Variants in COMMD10 observed in about 807,000 individuals in gnomAD.
The protein encoded by COMMD10 is COMM domain-containing protein 10.
A neutral mutation model predicts 28.9 loss-of-function variants in COMMD10; 33 were observed. The observed-to-expected ratio is 1.14, with a 90% CI of 0.87 to 1.53. The LOEUF (loss-of-function observed/expected upper bound fraction) is 1.53, where lower values mean the gene tolerates loss of function less well. Ranked by LOEUF, COMMD10 falls within the 40% of genes most tolerant of loss-of-function variation. The probability of loss-of-function intolerance (pLI) is 0.00; values close to 1 mark genes in which losing one functional copy is unlikely to be tolerated. For missense variants in COMMD10, 310 were observed against 233.4 expected (o/e 1.33, Z -2.14); for synonymous variants, 110 against 81.7 (o/e 1.35, Z -1.87).
chr5:116,223,325 A>G lies in COMMD10; in HGVS notation c.511-68192A>G, dbSNP rs148355228. 6.0e-3 allele frequency among the ~76,000 whole-genome samples: 904 copies of G among 150,562 alleles called. 7 individuals are homozygous for G. The highest frequency in any genetic ancestry group is 0.014 in the Middle Eastern group (4 of 294). On this transcript the variant is annotated intron_variant, in intron 5 of 6. Coordinates refer to ENST00000274458, the MANE Select transcript of COMMD10 (RefSeq NM_016144.4). ...GATAAGTTAAATGTATACACCAGAG[A>G]AAAAAAGTTCTTATTACAATGTAAT... is the stretch of plus-strand genomic sequence containing the variant.
At chr5:116,258,065 C>G (rs902989130) in intron 5 of COMMD10, among the ~76,000 whole-genome samples, 6 of 151,644 alleles carry the variant, frequency 4.0e-5, no homozygotes, top group Non-Finnish European at 7.4e-5. Flanking sequence ...CAATACAGAT[C>G]TACAAATATG....
At chr5:116,198,264 C>T (rs894703097) in intron 5 of COMMD10, among the ~76,000 whole-genome samples, 1 of 151,988 alleles carries the variant, frequency 6.6e-6, no homozygotes, top group African/African-American at 2.4e-5. Context: ...CTTGACTTTG[C>T]CTAATACTAT....
intron 5 of COMMD10, among the ~76,000 whole-genome samples, chr5:116,156,142 G>C (rs1752699737): frequency 6.6e-6 from 1 of 152,074 alleles, no homozygotes; most frequent in Non-Finnish European, 1.5e-5. Context: ...AAAGGGTTAA[G>C]CTGTCCTACT....
chr5:116,090,865 A>G (rs916098559), intron 2 of COMMD10, among the ~76,000 whole-genome samples: 1 of 152,240 alleles, frequency 6.6e-6, no homozygotes, highest in Non-Finnish European at 1.5e-5. Context: ...CTGCGTCACC[A>G]CAAGATATTT....
chr5:116,137,505 G>T (rs1454801522), intron 5 of COMMD10, among the ~76,000 whole-genome samples: 1 of 151,936 alleles, frequency 6.6e-6, no homozygotes, highest in African/African-American at 2.4e-5. Flanking sequence ...GTATTTTATA[G>T]GGTAGTTATC....
At chr5:116,232,498 A>T (rs920263987) in intron 5 of COMMD10, among the ~76,000 whole-genome samples, 1 of 152,020 alleles carries the variant, frequency 6.6e-6, no homozygotes, top group Admixed American at 6.6e-5. Context: ...AATAACAAAG[A>T]TCAACCAGCT....
intron 5 of COMMD10, among the ~76,000 whole-genome samples, chr5:116,203,026 C>T (rs573424600): frequency 4.0e-5 from 6 of 151,746 alleles, no homozygotes; most frequent in South Asian, 2.1e-4. Context: ...TTAGGTCTAA[C>T]ATTTAAGTCT....
intron 5 of COMMD10, among the ~76,000 whole-genome samples, chr5:116,249,540 G>A (rs750430130): frequency 1.3e-5 from 2 of 151,844 alleles, no homozygotes; most frequent in Non-Finnish European, 2.9e-5. Context: ...ATTGACTAGA[G>A]AATTCAAAAA....
intron 5 of COMMD10, among the ~76,000 whole-genome samples, chr5:116,154,278 C>T (rs1051081444): frequency 2.6e-5 from 4 of 152,110 alleles, no homozygotes; most frequent in African/African-American, 7.2e-5. Flanking sequence ...CTAGTTCTCT[C>T]TCCTATTGTT....
At chr5:116,155,338 A>G (rs1752672478) in intron 5 of COMMD10, among the ~76,000 whole-genome samples, 4 of 152,076 alleles carry the variant, frequency 2.6e-5, no homozygotes, top group Admixed American at 2.0e-4. Flanking sequence ...CTTATGTTTT[A>G]TTTATATATG....
intron 5 of COMMD10, among the ~76,000 whole-genome samples, chr5:116,288,872 CTTTTTTTTTTTTT>C (rs1157658912): frequency 9.6e-6 from 1 of 104,358 alleles, no homozygotes; most frequent in Admixed American, 1.2e-4. Flanking sequence ...TGTTCTCTCT[CTTTTTTTTTTTTT>C]TTTTTTTTTT....
intron 5 of COMMD10, among the ~76,000 whole-genome samples, chr5:116,258,900 T>C (rs1750362317): frequency 6.6e-6 from 1 of 151,656 alleles, no homozygotes; most frequent in African/African-American, 2.4e-5. Flanking sequence ...GATTGCTTTT[T>C]CTACTCAGTT....
At chr5:116,187,088 G>T (rs2112605369) in intron 5 of COMMD10, among the ~76,000 whole-genome samples, 1 of 152,172 alleles carries the variant, frequency 6.6e-6, no homozygotes, top group East Asian at 1.9e-4. Context: ...ATAAACAAAT[G>T]AATCAAGTTT....
intron 5 of COMMD10, among the ~76,000 whole-genome samples, chr5:116,157,622 A>T (rs773602833): frequency 1.6e-4 from 24 of 152,338 alleles, no homozygotes; most frequent in Non-Finnish European, 2.9e-4. Context: ...TTGAAAGAAT[A>T]GGCCAGATTT....
intron 5 of COMMD10, among the ~76,000 whole-genome samples, chr5:116,142,189 C>T (rs976974153): frequency 4.0e-5 from 6 of 151,722 alleles, no homozygotes; most frequent in African/African-American, 1.4e-4. Flanking sequence ...CCTTTTTTCA[C>T]TTAATGCTGT....
chr5:116,120,718 G>C (rs983650150), intron 4 of COMMD10, among the ~76,000 whole-genome samples: 1 of 148,618 alleles, frequency 6.7e-6, no homozygotes, highest in African/African-American at 2.5e-5. Flanking sequence ...TAATGATTTT[G>C]AGACTGATCA....
intron 5 of COMMD10, among the ~76,000 whole-genome samples, chr5:116,264,030 G>A (rs1750518929): frequency 6.6e-6 from 1 of 151,774 alleles, no homozygotes; most frequent in African/African-American, 2.4e-5. Context: ...GAGTTAGACA[G>A]CTAGACTTTA....
At chr5:116,223,798 G>T (rs1360716439) in intron 5 of COMMD10, among the ~76,000 whole-genome samples, 1 of 152,190 alleles carries the variant, frequency 6.6e-6, no homozygotes, top group Non-Finnish European at 1.5e-5. Context: ...GGTGAAGCCA[G>T]ACTGGAATGG....
At chr5:116,096,130 A>G (rs1370684934) in intron 4 of COMMD10, among the ~76,000 whole-genome samples, 12 of 151,936 alleles carry the variant, frequency 7.9e-5, no homozygotes, top group Admixed American at 5.9e-4. Flanking sequence ...CAGCTTTTGT[A>G]TTTCTGTAAA....
Sources: allele counts gnomAD v4.1 joint callset (sites outside exome capture counted in the v4.1 genomes callset), GRCh38; gene constraint gnomAD v4.1.1; transcripts MANE v1.5; gene names NCBI Gene and HGNC (gene_info 2026-07-23, HGNC 2026-07-21).